Variants in OLFM2 observed in about 807,000 individuals in gnomAD.
OLFM2 encodes olfactomedin 2.
OLFM2 carries 20 observed loss-of-function variants against 43.9 expected under a neutral mutation model. That is an observed-to-expected ratio of 0.46 (90% confidence interval 0.32 to 0.66). The LOEUF (loss-of-function observed/expected upper bound fraction) is 0.66, where lower values mean the gene tolerates loss of function less well. Among genes scored for constraint, OLFM2 ranks in the 30% least tolerant of loss-of-function variants. The pLI, the probability that OLFM2 is intolerant of heterozygous loss-of-function variation, is 0.04. For synonymous variants in OLFM2, 268 were observed against 278.6 expected, an observed-to-expected ratio of 0.96 and a Z score of 0.38; for missense variants, 416 against 643.6, an observed-to-expected ratio of 0.65 and a Z score of 3.83.
intron 1 of OLFM2, among the ~76,000 whole-genome samples, chr19:9,898,531 A>T (rs1568379820): frequency 6.6e-6 from 1 of 151,832 alleles, no homozygotes; most frequent in Non-Finnish European, 1.5e-5. Context: ...AAAAAAAAAA[A>T]AATTTTTTTG....
intron 1 of OLFM2, among the ~76,000 whole-genome samples, chr19:9,884,138 G>A (rs1469589025): frequency 2.7e-4 from 41 of 152,042 alleles, no homozygotes; most frequent in Non-Finnish European, 1.6e-4. Context: ...GCATGGTGGT[G>A]CGCACCTGTA....
intron 1 of OLFM2, among the ~76,000 whole-genome samples, chr19:9,908,127 C>T (rs1369487517): frequency 1.3e-5 from 2 of 152,110 alleles, no homozygotes; most frequent in Non-Finnish European, 2.9e-5. Flanking sequence ...CTCTTCCGCT[C>T]GCTCACTATG....
chr19:9,862,318 G>A (rs372340428), intron 1 of OLFM2, among the ~76,000 whole-genome samples: 1 of 152,078 alleles, frequency 6.6e-6, no homozygotes, highest in South Asian at 2.1e-4. Flanking sequence ...CTTGAGGGAC[G>A]AGTGAGACAG....
At chr19:9,860,845 C>T (rs1272265555) in intron 1 of OLFM2, 51 bp from the exon 2 acceptor site, 3 of 1,552,916 alleles carry the variant, frequency 1.9e-6, no homozygotes, top group East Asian at 2.3e-5. Flanking sequence ...GGTCTCGCCT[C>T]GCCCTCACTG....
intron 1 of OLFM2, among the ~76,000 whole-genome samples, chr19:9,899,208 C>T (rs976649055): frequency 2.0e-5 from 3 of 151,272 alleles, no homozygotes; most frequent in African/African-American, 7.3e-5. Flanking sequence ...GAGGCTGCAG[C>T]GAGCCAAGTT....
intron 1 of OLFM2, among the ~76,000 whole-genome samples, chr19:9,888,515 T>G (rs1370905487): frequency 1.4e-5 from 1 of 71,902 alleles, no homozygotes; most frequent in Non-Finnish European, 2.9e-5. Context: ...CAGTGAGACC[T>G]TACCTCAAAA....
intron 1 of OLFM2, among the ~76,000 whole-genome samples, chr19:9,875,514 CTTTTTT>C (rs35244050): frequency 1.4e-5 from 2 of 142,932 alleles, no homozygotes; most frequent in Admixed American, 7.0e-5. Flanking sequence ...GAATTAGCAG[CTTTTTT>C]TTTTTTTTGA....
At chr19:9,867,448 CTGGGGACAGGAGAAGCAT>C (rs2046411205) in intron 1 of OLFM2, among the ~76,000 whole-genome samples, 1 of 152,104 alleles carries the variant, frequency 6.6e-6, no homozygotes, top group South Asian at 2.1e-4. Context: ...CTACAGGGTC[CTGGGGACAGGAGAAGCAT>C]TGGCTATCAG....
At position 9,914,743 on chromosome 19, in the gene OLFM2, C is replaced by CCGG. The variant is rs1485235182; in HGVS notation, c.63+21558_63+21560dup. ...GCCCACCCGTCCGCCCACGCATCAG[C>CCGG]CGGCGGCGGCAGCCGCTGGGCCGCG... is the stretch of plus-strand genomic sequence containing the variant. On this transcript the variant is annotated intron_variant, in intron 1 of 5. Transcript: ENST00000264833. Among the ~76,000 whole-genome samples, 23 of 152,218 alleles carry CCGG rather than the reference C, an allele frequency of 1.5e-4. No homozygotes were observed. In the South Asian group the frequency reaches 4.6e-3, roughly 30 times the overall value.
chr19:9,880,592 A>C (rs999520827), intron 1 of OLFM2, among the ~76,000 whole-genome samples: 1 of 152,086 alleles, frequency 6.6e-6, no homozygotes, highest in Non-Finnish European at 1.5e-5. Context: ...GCGAGACCCC[A>C]TCTCTAAAAA....
At chr19:9,867,734 TAC>T (rs2046413421) in intron 1 of OLFM2, among the ~76,000 whole-genome samples, 1 of 152,182 alleles carries the variant, frequency 6.6e-6, no homozygotes, top group African/African-American at 2.4e-5. Flanking sequence ...GCCAAGCCAT[TAC>T]AGTTTCTGCA....
chr19:9,922,081 G>A (rs1599502017), intron 1 of OLFM2, among the ~76,000 whole-genome samples: 1 of 148,154 alleles, frequency 6.7e-6, no homozygotes, highest in South Asian at 2.1e-4. Flanking sequence ...GCAACAGAGT[G>A]AGACCCTGTC....
At chr19:9,919,176 C>CTCTTTTTTTTTT (rs1555728853) in intron 1 of OLFM2, among the ~76,000 whole-genome samples, 1 of 149,260 alleles carries the variant, frequency 6.7e-6, no homozygotes, top group African/African-American at 2.5e-5. Context: ...ATTTCTCTCT[C>CTCTTTTTTTTTT]TTTTTTTTGA....
chr19:9,874,345 T>TTTA (rs71188849), intron 1 of OLFM2, among the ~76,000 whole-genome samples: 2 of 150,368 alleles, frequency 1.3e-5, no homozygotes, highest in African/African-American at 2.4e-5. Context: ...TTTTTTTTTT[T>TTTA]AAGAGAGATG....
chr19:9,895,244 T>C (rs1258999636), intron 1 of OLFM2, among the ~76,000 whole-genome samples: 3 of 152,194 alleles, frequency 2.0e-5, no homozygotes, highest in East Asian at 3.9e-4. Context: ...TCCCAGCACT[T>C]TGGGAGGCCG....
chr19:9,914,856 G>A (rs1372235495), intron 1 of OLFM2, among the ~76,000 whole-genome samples: 1 of 152,052 alleles, frequency 6.6e-6, no homozygotes, highest in Non-Finnish European at 1.5e-5. Context: ...TCGCTCCGCC[G>A]CCGCCGTCGC....
intron 1 of OLFM2, among the ~76,000 whole-genome samples, chr19:9,923,109 A>G (rs2086430827): frequency 6.6e-6 from 1 of 152,058 alleles, no homozygotes; most frequent in South Asian, 2.1e-4. Context: ...ACTCCTACAT[A>G]TATACAGTTG....
intron 1 of OLFM2, among the ~76,000 whole-genome samples, chr19:9,919,850 A>G (rs1359219653): frequency 6.0e-5 from 8 of 134,382 alleles, no homozygotes; most frequent in Admixed American, 5.8e-4. Flanking sequence ...GTTGGAGTGC[A>G]GTGGTGAGAG....
intron 1 of OLFM2, among the ~76,000 whole-genome samples, chr19:9,864,363 C>T (rs1285097125): frequency 4.6e-5 from 7 of 152,094 alleles, no homozygotes; most frequent in East Asian, 3.9e-4. Flanking sequence ...GGCAGTGGTG[C>T]GATCTTGGCT....
Sources: allele counts gnomAD v4.1 joint callset (sites outside exome capture counted in the v4.1 genomes callset), GRCh38; gene constraint gnomAD v4.1.1; transcripts MANE v1.5; gene names NCBI Gene and HGNC (gene_info 2026-07-23, HGNC 2026-07-21).